Variants in ELF1 observed in about 807,000 individuals in gnomAD.
ELF1 encodes E74 like ETS transcription factor 1.
In ELF1, 24 loss-of-function variants were observed where a neutral mutation model predicts 59.9. The observed-to-expected ratio is 0.40, with a 90% CI of 0.29 to 0.56. The LOEUF is 0.56. ELF1 is among the 20% of genes least tolerant of loss of function. ELF1 has a pLI of 0.44. For synonymous variants in ELF1, 248 were observed against 266.2 expected (o/e 0.93, Z 0.67); for missense variants, 627 against 742.2 (o/e 0.84, Z 1.80).
intron 1 of ELF1, among the ~76,000 whole-genome samples, chr13:41,018,559 CTTTCTTCCTCTA>C: frequency 6.6e-6 from 1 of 152,254 alleles, no homozygotes; most frequent in African/African-American, 2.4e-5. Context: ...TCATTCTAGT[CTTTCTTCCTCTA>C]TTTAATATTC....
At chr13:41,019,126 A>T in intron 1 of ELF1, 102 bp downstream of exon 1, 1 of 901,340 alleles carries the variant, frequency 1.1e-6, no homozygotes, top group Non-Finnish European at 1.3e-6. Context: ...TCAGAGGGTT[A>T]AAGAACACAT....
intron 1 of ELF1, among the ~76,000 whole-genome samples, chr13:40,985,032 C>A (rs889099576): frequency 1.1e-4 from 16 of 152,172 alleles, no homozygotes; most frequent in Non-Finnish European, 2.9e-5. Context: ...ATCACTAAGC[C>A]ACTTATTGCA....
chr13:41,051,934 C>CTTTTTTTTTTT (rs757348738), intron 1 of ELF1, among the ~76,000 whole-genome samples: 2 of 127,250 alleles, frequency 1.6e-5, no homozygotes, highest in African/African-American at 3.0e-5. Flanking sequence ...TTCTTTTTCT[C>CTTTTTTTTTTT]TTTTTTTTTT....
intron 1 of ELF1, among the ~76,000 whole-genome samples, chr13:41,054,898 C>T (rs1877229787): frequency 6.6e-6 from 1 of 152,226 alleles, no homozygotes; most frequent in Non-Finnish European, 1.5e-5. Context: ...CCTAACTAAA[C>T]TCCTTAGCTC....
At chr13:41,020,337 G>A (rs759089111), upstream of ELF1, among the ~76,000 whole-genome samples, 5 of 152,166 alleles carry the variant, frequency 3.3e-5, no homozygotes, top group African/African-American at 9.7e-5. Flanking sequence ...CTTCCAAAGC[G>A]CTTGAAATGA....
rs538444185 is a variant in ELF1 at position 40,975,738 on chromosome 13, CAG to C, written c.72+6243_72+6244del. Among the ~76,000 whole-genome samples the C allele has an allele frequency of 1.1e-4, 16 of 152,298 alleles. No homozygotes were observed. In the South Asian group the frequency reaches 3.3e-3, roughly 32 times the overall value. ...GGCAAGGTATCACCCTCTCATTATT[CAG>C]AGATGCTCTGATATGATAAGAACCA... On this transcript the variant is annotated intron_variant, in intron 2 of 8. Transcript: ENST00000239882.
intron 3 of ELF1, among the ~76,000 whole-genome samples, chr13:40,956,184 A>G (rs1871410483): frequency 6.6e-6 from 1 of 151,554 alleles, no homozygotes; most frequent in Admixed American, 6.6e-5. Flanking sequence ...GTGTCTGTGT[A>G]GAAAGAGGTA....
At chr13:40,966,424 C>G (rs1566174572) in intron 2 of ELF1, among the ~76,000 whole-genome samples, 1 of 152,128 alleles carries the variant, frequency 6.6e-6, no homozygotes, top group Non-Finnish European at 1.5e-5. Flanking sequence ...CAAGTTTTAG[C>G]AGAAGAGAGT....
intron 1 of ELF1, among the ~76,000 whole-genome samples, chr13:41,057,495 G>A (rs990477611): frequency 6.6e-6 from 1 of 151,922 alleles, no homozygotes; most frequent in African/African-American, 2.4e-5. Flanking sequence ...TCTGCCTCCA[G>A]GGCTCAAGTG....
At chr13:41,006,012 C>G (rs1166614750) in intron 1 of ELF1, among the ~76,000 whole-genome samples, 2 of 152,138 alleles carry the variant, frequency 1.3e-5, no homozygotes, top group Non-Finnish European at 2.9e-5. Flanking sequence ...ATGTCCAAAA[C>G]CACTCTTCAT....
chr13:41,021,288 T>C (rs896773285), upstream of ELF1, among the ~76,000 whole-genome samples: 1 of 152,194 alleles, frequency 6.6e-6, no homozygotes, highest in Non-Finnish European at 1.5e-5. Flanking sequence ...TGGCCACCAG[T>C]AATGTGAAGA....
intron 1 of ELF1, among the ~76,000 whole-genome samples, chr13:40,984,278 A>C (rs9594469): frequency 0.18 from 27,634 of 152,220 alleles, 2,693 homozygotes; most frequent in African/African-American, 0.22. Context: ...TAAATATCTT[A>C]TCAGGCCAGG....
chr13:41,000,628 A>G (rs950406554), intron 1 of ELF1, among the ~76,000 whole-genome samples: 2 of 152,288 alleles, frequency 1.3e-5, no homozygotes, highest in South Asian at 4.1e-4. Flanking sequence ...CACTTACTAG[A>G]TTTAAAAAAA....
intron 1 of ELF1, among the ~76,000 whole-genome samples, chr13:41,017,583 A>AC (rs907439137): frequency 2.6e-4 from 40 of 150,960 alleles, no homozygotes; most frequent in South Asian, 2.1e-4. Context: ...TCTTCTTTTT[A>AC]CCCCCCCTTC....
rs1414765344 is a variant in ELF1, at chr13:40,933,447, A to T, written c.1838T>A (p.Leu613Gln). 3.1e-6 allele frequency: 5 copies of T among 1,613,200 alleles called. No homozygotes were observed. In the East Asian group the frequency reaches 6.7e-5, roughly 22 times the overall value. The change falls in exon 9 of 9, where the codon CTG becomes CAG. Residue 613 changes from leucine (L) to glutamine (Q), a missense_variant. Transcript: ENST00000239882. ...TSQVAMKQNE[L>Q]LEPNSF ...TAACTAAAAAGAGTTGGGTTCCAGC[A>T]GTTCGTTTTGTTTCATAGCTACCTG...
At chr13:41,012,787 G>A (rs767577496) in intron 1 of ELF1, among the ~76,000 whole-genome samples, 11 of 151,696 alleles carry the variant, frequency 7.3e-5, no homozygotes, top group Non-Finnish European at 8.8e-5. Context: ...CGAATTTCTG[G>A]CCTCAAGTGA....
chr13:40,975,792 C>G (rs1404717946), intron 2 of ELF1, among the ~76,000 whole-genome samples: 2 of 152,104 alleles, frequency 1.3e-5, no homozygotes, highest in African/African-American at 4.8e-5. Context: ...TATCCCAGAT[C>G]ATCTAGCAAC....
intron 1 of ELF1, among the ~76,000 whole-genome samples, chr13:41,053,656 A>C (rs1440925373): frequency 1.3e-5 from 2 of 152,208 alleles, no homozygotes; most frequent in Non-Finnish European, 2.9e-5. Context: ...GATATTTATA[A>C]CATTATTGGC....
At chr13:40,957,591 G>A (rs527256880) in intron 3 of ELF1, among the ~76,000 whole-genome samples, 1 of 151,958 alleles carries the variant, frequency 6.6e-6, no homozygotes, top group African/African-American at 2.4e-5. Context: ...AGCCATGTAG[G>A]ATGTGCCTGC....
Sources: gnomAD v4.1 joint callset for allele counts (sites outside exome capture counted in the v4.1 genomes callset) on GRCh38, gnomAD v4.1.1 for gene constraint, MANE v1.5 for transcripts, NCBI Gene and HGNC (gene_info 2026-07-23, HGNC 2026-07-21) for gene names.